SLC10A7: variants seen among roughly 807,000 people sequenced by gnomAD.
SLC10A7 encodes the protein sodium/bile acid cotransporter 7.
A neutral mutation model predicts 43.2 loss-of-function variants in SLC10A7; 29 were observed. That is an observed-to-expected ratio of 0.67 (90% CI 0.50 to 0.92). The LOEUF (loss-of-function observed/expected upper bound fraction) is 0.92, where lower values mean the gene tolerates loss of function less well. Among genes scored for constraint, SLC10A7 ranks in the 40% least tolerant of loss-of-function variants. The pLI is 0.00. For synonymous variants in SLC10A7, 152 were observed against 144.8 expected, an observed-to-expected ratio of 1.05 and a Z score of -0.35; for missense variants, 295 against 403.2, an observed-to-expected ratio of 0.73 and a Z score of 2.30.
At chr4:146,283,136 A>G (rs1478773229) in intron 10 of SLC10A7, 56 bp downstream of exon 10, 2 of 1,358,334 alleles carry the variant, frequency 1.5e-6, no homozygotes, top group Admixed American at 1.7e-5. Context: ...TATCAAAGTC[A>G]TAAGATGTAA....
intron 9 of SLC10A7, among the ~76,000 whole-genome samples, chr4:146,290,845 G>A (rs930963899): frequency 3.3e-5 from 5 of 152,234 alleles, no homozygotes; most frequent in African/African-American, 1.2e-4. Context: ...GGGTGACAGA[G>A]CAAGCCCCTG....
intron 6 of SLC10A7, among the ~76,000 whole-genome samples, chr4:146,322,409 C>T (rs1198611775): frequency 1.4e-5 from 2 of 145,876 alleles, no homozygotes; most frequent in African/African-American, 5.1e-5. Context: ...GTGATGTTCC[C>T]CTTCCTGTGT....
At chr4:146,259,701 G>A (rs1728104088) in intron 10 of SLC10A7, among the ~76,000 whole-genome samples, 1 of 152,150 alleles carries the variant, frequency 6.6e-6, no homozygotes, top group African/African-American at 2.4e-5. Context: ...CCAAGAGCTG[G>A]GTGTGTATAT....
In SLC10A7 at chr4:146,480,294, T is replaced by C. The variant is rs1734360681; in HGVS notation, c.396+23555A>G. Among the ~76,000 whole-genome samples, 4 of 152,140 alleles carry C rather than the reference T, an allele frequency of 2.6e-5. No individual in the cohort carries two copies. In the South Asian group the frequency reaches 8.3e-4, roughly 31 times the overall value. ...CCAATGTTAAATGTCCTTTATTATA[T>C]TCTACTATTTGAAAATTATAACCTT... On this transcript the variant is annotated intron_variant, in intron 4 of 11. Coordinates refer to ENST00000335472, the MANE Select transcript of SLC10A7 (RefSeq NM_001029998.6).
intron 11 of SLC10A7, among the ~76,000 whole-genome samples, chr4:146,257,117 T>C (rs1026572125): frequency 6.6e-6 from 1 of 152,248 alleles, no homozygotes; most frequent in Admixed American, 6.5e-5. Context: ...CAAATAATTT[T>C]CTTCATTCTT....
chr4:146,386,974 T>C (rs1738050281), intron 5 of SLC10A7, among the ~76,000 whole-genome samples: 1 of 152,212 alleles, frequency 6.6e-6, no homozygotes, highest in African/African-American at 2.4e-5. Flanking sequence ...ATCAGCAAAA[T>C]CACTGAATAA....
intron 5 of SLC10A7, among the ~76,000 whole-genome samples, chr4:146,395,101 G>T (rs573382389): frequency 6.6e-6 from 1 of 152,244 alleles, no homozygotes; most frequent in East Asian, 1.9e-4. Flanking sequence ...GGGCACAGTA[G>T]CTTATGCCTA....
At chr4:146,481,463 C>T (rs992637215) in intron 4 of SLC10A7, among the ~76,000 whole-genome samples, 2 of 152,178 alleles carry the variant, frequency 1.3e-5, no homozygotes, top group African/African-American at 4.8e-5. Context: ...CATGTTCTAC[C>T]ATTTCGGGGT....
At chr4:146,279,119 T>C (rs1346436297) in intron 10 of SLC10A7, among the ~76,000 whole-genome samples, 5 of 152,216 alleles carry the variant, frequency 3.3e-5, no homozygotes, top group Non-Finnish European at 7.3e-5. Flanking sequence ...GAAGTACTTT[T>C]GGAAATAAGA....
chr4:146,409,332 A>T (rs554783412), intron 5 of SLC10A7, among the ~76,000 whole-genome samples: 17 of 106,086 alleles, frequency 1.6e-4, no homozygotes, highest in Non-Finnish European at 2.5e-4. Flanking sequence ...AATATGGCAC[A>T]TCAAAAAAAA....
chr4:146,502,215 A>C (rs1031924957), intron 4 of SLC10A7, among the ~76,000 whole-genome samples: 1 of 152,246 alleles, frequency 6.6e-6, no homozygotes, highest in Non-Finnish European at 1.5e-5. Context: ...ATTACACCGT[A>C]TTAGAATGGC....
At position 146,348,848 on chromosome 4, in the gene SLC10A7, G is replaced by A. The variant is rs375148443; in HGVS notation, c.436-22852C>T. ...TTACTTTAAAGAGTGTGTAACAGTC[G>A]CACTTTGTCATTACTATACAGGTTA... On this transcript the variant is annotated intron_variant, in intron 5 of 11. Transcript: ENST00000335472. 1.3e-4 allele frequency among the ~76,000 whole-genome samples: 20 copies of A among 152,108 alleles called. 1 individual carries two copies. In the East Asian group the frequency reaches 3.5e-3, roughly 26 times the overall value.
At chr4:146,302,057 C>A (rs995280080) in intron 7 of SLC10A7, among the ~76,000 whole-genome samples, 1 of 152,118 alleles carries the variant, frequency 6.6e-6, no homozygotes, top group African/African-American at 2.4e-5. Flanking sequence ...TTATATAACC[C>A]TAGACATACA....
chr4:146,284,294 A>C (rs1729740644), intron 9 of SLC10A7, among the ~76,000 whole-genome samples: 1 of 152,124 alleles, frequency 6.6e-6, no homozygotes, highest in Non-Finnish European at 1.5e-5. Flanking sequence ...AATGTACCTG[A>C]TTTTTAAGGC....
intron 5 of SLC10A7, among the ~76,000 whole-genome samples, chr4:146,360,192 C>T (rs560080929): frequency 3.3e-5 from 5 of 151,902 alleles, no homozygotes; most frequent in African/African-American, 1.2e-4. Flanking sequence ...TTCTCACTGC[C>T]ATTACCTTAC....
intron 3 of SLC10A7, among the ~76,000 whole-genome samples, chr4:146,504,245 C>T (rs920420237): frequency 6.6e-6 from 1 of 152,176 alleles, no homozygotes; most frequent in Middle Eastern, 3.4e-3. Flanking sequence ...ATGGGCAGGG[C>T]TCGGTGGCTC....
intron 5 of SLC10A7, among the ~76,000 whole-genome samples, chr4:146,404,515 T>A (rs1420630680): frequency 1.4e-5 from 2 of 145,488 alleles, no homozygotes; most frequent in Non-Finnish European, 3.0e-5. Context: ...TGTGTGTGTG[T>A]GACTGGTTTA....
intron 5 of SLC10A7, among the ~76,000 whole-genome samples, chr4:146,376,828 C>A (rs1177584499): frequency 6.6e-6 from 1 of 152,214 alleles, no homozygotes; most frequent in African/African-American, 2.4e-5. Context: ...GTCCACTTTA[C>A]AGCTGTGTCC....
intron 5 of SLC10A7, among the ~76,000 whole-genome samples, chr4:146,347,876 G>A (rs1443662079): frequency 6.6e-6 from 1 of 151,952 alleles, no homozygotes; most frequent in Non-Finnish European, 1.5e-5. Context: ...GGTGAAAAGA[G>A]GAAGAAAATG....
Sources: allele counts gnomAD v4.1 joint callset (sites outside exome capture counted in the v4.1 genomes callset), GRCh38; gene constraint gnomAD v4.1.1; transcripts MANE v1.5; gene names NCBI Gene and HGNC (gene_info 2026-07-23, HGNC 2026-07-21).